The following NFIA variants were observed in gnomAD, a reference collection of about 807,000 sequenced individuals.
The protein encoded by NFIA is nuclear factor 1 A-type.
In NFIA, 8 loss-of-function variants were observed where a neutral mutation model predicts 62.8. That is an observed-to-expected ratio of 0.13 (90% CI 0.07 to 0.23). NFIA has a LOEUF of 0.23. Ranked by LOEUF, NFIA falls within the 10% of genes least tolerant of loss-of-function variation. The pLI is 1.00. For missense variants in NFIA, 410 were observed against 642.1 expected, an observed-to-expected ratio of 0.64 and a Z score of 3.91; for synonymous variants, 235 against 238.1, an observed-to-expected ratio of 0.99 and a Z score of 0.12.
chr1:61,080,157 G>A (rs1646078446), upstream of NFIA, among the ~76,000 whole-genome samples: 1 of 152,042 alleles, frequency 6.6e-6, no homozygotes, highest in Admixed American at 6.5e-5. Context: ...AAAGTCTTAC[G>A]AAGGGCGCCA....
At chr1:61,120,523 C>T (rs1244057509) in intron 2 of NFIA, among the ~76,000 whole-genome samples, 2 of 152,086 alleles carry the variant, frequency 1.3e-5, no homozygotes, top group Admixed American at 6.6e-5. Context: ...TCATGTCTGC[C>T]GTGACCGTGA....
chr1:61,401,427 TAAC>T (rs370622167), intron 7 of NFIA, among the ~76,000 whole-genome samples: 1 of 152,218 alleles, frequency 6.6e-6, no homozygotes, highest in Admixed American at 6.5e-5. Context: ...TTTACGTATT[TAAC>T]AACAACAAAA....
rs973086102 is a variant in NFIA at position 61,276,233 on chromosome 1, C to T, written c.560-1287C>T. ...AGCACTTTCTTATAAGTAAAATCTT[C>T]GTTTGCTTAAAAGCAGGGAGTCTTT... On this transcript the variant is annotated intron_variant, in intron 2 of 10. Coordinates refer to ENST00000403491, the MANE Select transcript of NFIA (RefSeq NM_001134673.4). Among the ~76,000 whole-genome samples the T allele has an allele frequency of 5.3e-5, 8 of 152,058 alleles. 1 individual carries two copies. Among genetic ancestry groups the T allele is most frequent in the Admixed American group, 5.2e-4 (8 of 15,260 alleles).
intron 3 of NFIA, among the ~76,000 whole-genome samples, chr1:61,326,308 G>A (rs76379475): frequency 6.6e-6 from 1 of 152,340 alleles, no homozygotes; most frequent in East Asian, 1.9e-4. Flanking sequence ...CTGACCAGAA[G>A]CTTCATTGCC....
chr1:61,083,789 C>CA (rs1474598618), intron 1 of NFIA, among the ~76,000 whole-genome samples: 1 of 151,634 alleles, frequency 6.6e-6, no homozygotes. Flanking sequence ...CCACCACCGC[C>CA]ACCGCGCGAC....
chr1:61,183,414 C>T (rs553356210), intron 2 of NFIA, among the ~76,000 whole-genome samples: 42 of 152,256 alleles, frequency 2.8e-4, no homozygotes, highest in African/African-American at 9.6e-4. Flanking sequence ...GCCCCTTGCT[C>T]TGGAGGAACA....
Position 61,321,371 on chromosome 1 carries a change from C to T in NFIA, c.626-11141C>T, listed in dbSNP as rs554857563. On this transcript the variant is annotated intron_variant, in intron 3 of 10. Transcript: ENST00000403491. The stretch of plus-strand genomic sequence containing the variant: ...AATAAATGCATAATTCTAAATGTTT[C>T]GGGGAAATGGGGAAAATAATTTGTT... Among the ~76,000 whole-genome samples the T allele has an allele frequency of 3.5e-3, 528 of 150,528 alleles. 5 individuals are homozygous for T. Among genetic ancestry groups the T allele is most frequent in the South Asian group, 0.02 (94 of 4,764 alleles).
chr1:61,106,430 C>A (rs1646602357), intron 2 of NFIA, among the ~76,000 whole-genome samples: 1 of 151,736 alleles, frequency 6.6e-6, no homozygotes, highest in Admixed American at 6.6e-5. Context: ...GCATGGGGAG[C>A]TGAGATTAGA....
chr1:61,225,781 A>T (rs1654297252), intron 2 of NFIA, among the ~76,000 whole-genome samples: 1 of 151,860 alleles, frequency 6.6e-6, no homozygotes, highest in Non-Finnish European at 1.5e-5. Flanking sequence ...ATGAGAGATT[A>T]ATTTATTTCA....
intron 3 of NFIA, among the ~76,000 whole-genome samples, chr1:61,304,419 A>C (rs1048888303): frequency 2.0e-4 from 31 of 152,330 alleles, no homozygotes; most frequent in Non-Finnish European, 4.1e-4. Context: ...CTTTGGTTAA[A>C]TCTTCAGTTT....
intron 2 of NFIA, among the ~76,000 whole-genome samples, chr1:61,201,033 A>G (rs1652446441): frequency 6.7e-6 from 1 of 149,514 alleles, no homozygotes; most frequent in Non-Finnish European, 1.5e-5. Context: ...AAGGGAAAAC[A>G]ACGACTCCCT....
chr1:61,280,166 G>T (rs776380156), intron 3 of NFIA, among the ~76,000 whole-genome samples: 2 of 152,236 alleles, frequency 1.3e-5, no homozygotes, highest in Non-Finnish European at 2.9e-5. Flanking sequence ...TTAAAGACAC[G>T]TAATCCCAAA....
At chr1:61,288,022 T>C (rs1347980115) in intron 3 of NFIA, among the ~76,000 whole-genome samples, 1 of 152,222 alleles carries the variant, frequency 6.6e-6, no homozygotes, top group African/African-American at 2.4e-5. Context: ...CCTAGCCCAG[T>C]AGTTTTCTTG....
At position 61,404,095 on chromosome 1, in the gene NFIA, T is replaced by C; in HGVS notation, c.1076-9T>C. The stretch of plus-strand genomic sequence containing the variant: ...CTTTTCATAACCCTGATGTTTTCTT[T>C]TCCTGCAGCAAGTCCGCATGCAACA... On this transcript the variant is annotated splice_polypyrimidine_tract_variant and intron_variant, in intron 7 of 10. Transcript: ENST00000403491. The C allele has an allele frequency of 6.2e-7, 1 of 1,613,706 alleles. No individual in the cohort carries two copies. The highest frequency in any genetic ancestry group is 1.1e-5 in the South Asian group (1 of 91,002).
intron 10 of NFIA, among the ~76,000 whole-genome samples, chr1:61,450,908 G>T (rs746406620): frequency 6.6e-6 from 1 of 152,144 alleles, no homozygotes; most frequent in East Asian, 1.9e-4. Flanking sequence ...TGTGCATCCT[G>T]CCCTCTTAGT....
At chr1:61,282,953 C>T (rs963541017) in intron 3 of NFIA, among the ~76,000 whole-genome samples, 2 of 152,192 alleles carry the variant, frequency 1.3e-5, no homozygotes, top group African/African-American at 2.4e-5. Flanking sequence ...GTGGCATCAA[C>T]CCTCAGATGG....
intron 2 of NFIA, among the ~76,000 whole-genome samples, chr1:61,222,185 G>A (rs1469361279): frequency 2.6e-5 from 4 of 151,964 alleles, no homozygotes; most frequent in African/African-American, 7.2e-5. Flanking sequence ...AAAGTTTTAC[G>A]GTTTTCTTAC....
intron 5 of NFIA, among the ~76,000 whole-genome samples, chr1:61,356,274 T>C (rs1029268018): frequency 4.6e-5 from 7 of 152,234 alleles, no homozygotes; most frequent in Non-Finnish European, 7.3e-5. Context: ...TCAGAACATA[T>C]AGGCTTCTCA....
At chr1:61,098,264 A>G (rs1050520486) in intron 2 of NFIA, among the ~76,000 whole-genome samples, 3 of 152,236 alleles carry the variant, frequency 2.0e-5, no homozygotes, top group African/African-American at 7.2e-5. Context: ...CATATTTTCA[A>G]CATTAGATAA....
Sources: allele counts gnomAD v4.1 joint callset (sites outside exome capture counted in the v4.1 genomes callset), GRCh38; gene constraint gnomAD v4.1.1; transcripts MANE v1.5; gene names NCBI Gene and HGNC (gene_info 2026-07-23, HGNC 2026-07-21).